ZZZ3: variants seen among roughly 807,000 people sequenced by gnomAD.
The protein encoded by ZZZ3 is ZZ-type zinc finger-containing protein 3.
Under a neutral mutation model 95.2 loss-of-function variants are expected in ZZZ3, and 22 were observed. The ratio of observed to expected loss-of-function variants is 0.23; its 90% CI spans 0.17 to 0.33. ZZZ3 has a LOEUF of 0.33. Among genes scored for constraint, ZZZ3 ranks in the 10% least tolerant of loss-of-function variants. The probability of loss-of-function intolerance (pLI) is 1.00; values close to 1 mark genes in which losing one functional copy is unlikely to be tolerated. For missense variants in ZZZ3, 885 were observed against 1,066.5 expected, an observed-to-expected ratio of 0.83 and a Z score of 2.37; for synonymous variants, 335 against 358.9, an observed-to-expected ratio of 0.93 and a Z score of 0.75.
intron 4 of ZZZ3, among the ~76,000 whole-genome samples, chr1:77,634,003 C>A (rs905047818): frequency 6.6e-6 from 1 of 151,980 alleles, no homozygotes; most frequent in Admixed American, 6.6e-5. Flanking sequence ...AACGCTGTCT[C>A]TACTAAAAAT....
intron 1 of ZZZ3, among the ~76,000 whole-genome samples, chr1:77,668,705 AAAGTCT>A (rs1170608487): frequency 4.0e-5 from 6 of 151,858 alleles, no homozygotes; most frequent in Non-Finnish European, 5.9e-5. Context: ...GATTTAAATC[AAAGTCT>A]ATCTGATTCC....
chr1:77,587,278 T>C (rs1017949574), intron 5 of ZZZ3, among the ~76,000 whole-genome samples: 5 of 143,478 alleles, frequency 3.5e-5, no homozygotes, highest in African/African-American at 1.4e-4. Context: ...TTTTTTTTTT[T>C]TTGAGACAGA....
At chr1:77,586,279 A>G (rs1352009119) in intron 5 of ZZZ3, among the ~76,000 whole-genome samples, 1 of 152,226 alleles carries the variant, frequency 6.6e-6, no homozygotes, top group African/African-American at 2.4e-5. Context: ...CACCAGCTGA[A>G]TACAACCAAA....
chr1:77,598,881 T>C (rs1295174825), intron 5 of ZZZ3, among the ~76,000 whole-genome samples: 2 of 152,198 alleles, frequency 1.3e-5, no homozygotes, highest in African/African-American at 2.4e-5. Flanking sequence ...ACTGTAGTTA[T>C]ATAACTTTAG....
intron 5 of ZZZ3, among the ~76,000 whole-genome samples, chr1:77,624,700 G>A (rs562362084): frequency 6.6e-6 from 1 of 152,248 alleles, no homozygotes; most frequent in Non-Finnish European, 1.5e-5. Context: ...TTGTTTTCCT[G>A]AGGTCTGTGA....
intron 5 of ZZZ3, among the ~76,000 whole-genome samples, chr1:77,591,118 T>C (rs1041919706): frequency 1.3e-5 from 2 of 152,076 alleles, no homozygotes; most frequent in African/African-American, 4.8e-5. Context: ...TTAAACATAC[T>C]GAAAACAACC....
chr1:77,576,604 G>A (rs1200537527), intron 11 of ZZZ3, among the ~76,000 whole-genome samples: 2 of 152,104 alleles, frequency 1.3e-5, no homozygotes, highest in Non-Finnish European at 2.9e-5. Flanking sequence ...CCAGTAAAAA[G>A]TAAAAGGAAA....
At chr1:77,582,257 A>C (rs999835218) in intron 6 of ZZZ3, 131 bp from the exon 7 acceptor site, 3 of 708,912 alleles carry the variant, frequency 4.2e-6, no homozygotes, top group Non-Finnish European at 6.5e-6. Flanking sequence ...TCATGTTTAA[A>C]TCCAAGAGAC....
At chr1:77,582,312 A>G (rs1311018870) in intron 6 of ZZZ3, among the ~76,000 whole-genome samples, 186 bp from the exon 7 acceptor site, 2 of 152,234 alleles carry the variant, frequency 1.3e-5, no homozygotes, top group African/African-American at 2.4e-5. Flanking sequence ...GCTAAAGATG[A>G]TAAGTAAAGA....
rs1660627754 is a variant in ZZZ3 at position 77,564,073 on chromosome 1, A to T, written c.*1567T>A. ...CAAATATAACAATCAATCTTAGAAT[A>T]TTTATACTATCTTTTCCTATAGTTA... On this transcript the variant is annotated 3_prime_UTR_variant, in exon 15 of 15. Transcript: ENST00000370801. The T allele has an allele frequency of 6.6e-6, 1 of 152,134 alleles. No homozygotes were observed. Among genetic ancestry groups the T allele is most frequent in the South Asian group, 2.1e-4 (1 of 4,834 alleles). The allele number at this position is 152,134 out of a possible 1,614,324, so 9.4% of individuals were successfully genotyped here. A position where few individuals can be genotyped will look rare whatever the true frequency, so the allele number is the denominator to read the frequency against.
At chr1:77,630,677 C>A (rs966003091) in intron 5 of ZZZ3, among the ~76,000 whole-genome samples, 1 of 152,114 alleles carries the variant, frequency 6.6e-6, no homozygotes, top group Non-Finnish European at 1.5e-5. Flanking sequence ...CATGAACTAT[C>A]AAATACAATA....
At chr1:77,621,033 C>G (rs71641308) in intron 5 of ZZZ3, among the ~76,000 whole-genome samples, 1 of 151,958 alleles carries the variant, frequency 6.6e-6, no homozygotes, top group Non-Finnish European at 1.5e-5. Context: ...ATACTGCCAG[C>G]GAAAAATAAT....
At chr1:77,650,367 G>A (rs1669689895) in intron 1 of ZZZ3, among the ~76,000 whole-genome samples, 2 of 152,124 alleles carry the variant, frequency 1.3e-5, no homozygotes, top group African/African-American at 4.8e-5. Context: ...CAGTTACTTG[G>A]AAGGAATAAC....
At chr1:77,596,232 G>A (rs1013800467) in intron 5 of ZZZ3, among the ~76,000 whole-genome samples, 17 of 152,034 alleles carry the variant, frequency 1.1e-4, no homozygotes, top group Admixed American at 9.8e-4. Context: ...TACTAGGAAA[G>A]AACATTAAAA....
chr1:77,614,599 A>C (rs1666127883), intron 5 of ZZZ3, among the ~76,000 whole-genome samples: 1 of 152,186 alleles, frequency 6.6e-6, no homozygotes, highest in African/African-American at 2.4e-5. Flanking sequence ...TAAAACATGA[A>C]AAGAAATAAA....
intron 5 of ZZZ3, among the ~76,000 whole-genome samples, chr1:77,624,003 AAAC>A (rs752409287): frequency 3.9e-5 from 6 of 152,262 alleles, no homozygotes; most frequent in African/African-American, 4.8e-5. Context: ...TGATAACATG[AAAC>A]AACACAAAAA....
intron 1 of ZZZ3, among the ~76,000 whole-genome samples, chr1:77,645,945 T>C (rs1232601204): frequency 1.4e-5 from 2 of 140,752 alleles, no homozygotes; most frequent in Non-Finnish European, 3.0e-5. Flanking sequence ...CACTTCAGCC[T>C]GGGCAACAGA....
At chr1:77,656,961 TA>T (rs1159697066) in intron 1 of ZZZ3, among the ~76,000 whole-genome samples, 1 of 152,206 alleles carries the variant, frequency 6.6e-6, no homozygotes, top group Non-Finnish European at 1.5e-5. Flanking sequence ...TACTTTTATT[TA>T]AAAACACTTT....
chr1:77,658,993 C>T (rs1425954939), intron 1 of ZZZ3, among the ~76,000 whole-genome samples: 10 of 152,036 alleles, frequency 6.6e-5, no homozygotes, highest in South Asian at 2.1e-4. Context: ...CCGAGGCAGG[C>T]GGATCACCTG....
Sources: gnomAD v4.1 joint callset for allele counts (sites outside exome capture counted in the v4.1 genomes callset) on GRCh38, gnomAD v4.1.1 for gene constraint, MANE v1.5 for transcripts, NCBI Gene and HGNC (gene_info 2026-07-23, HGNC 2026-07-21) for gene names.